Variants in C12orf56 observed in about 807,000 individuals in gnomAD.
The protein encoded by C12orf56 is uncharacterized protein C12orf56.
Under a neutral mutation model 69.9 loss-of-function variants are expected in C12orf56, and 71 were observed. The ratio of observed to expected loss-of-function variants is 1.02; its 90% CI spans 0.84 to 1.24. C12orf56 has a LOEUF of 1.24. Among genes scored for constraint, C12orf56 ranks in the 50% most tolerant of loss-of-function variants. C12orf56 has a pLI of 0.00. For synonymous variants in C12orf56, 276 were observed against 274.1 expected (o/e 1.01, Z -0.07); for missense variants, 732 against 738.5 (o/e 0.99, Z 0.10).
intron 1 of C12orf56, among the ~76,000 whole-genome samples, chr12:64,366,232 TAA>T: frequency 8.4e-6 from 1 of 118,828 alleles, no homozygotes; most frequent in African/African-American, 3.4e-5. Flanking sequence ...ATATTATATA[TAA>T]TATACAGTTT....
At chr12:64,321,435 A>C (rs530458297) in intron 3 of C12orf56, among the ~76,000 whole-genome samples, 248 of 152,284 alleles carry the variant, frequency 1.6e-3, no homozygotes, top group Non-Finnish European at 2.6e-3. Flanking sequence ...TCAGTCTCCC[A>C]AATTGCTGGG....
intron 1 of C12orf56, among the ~76,000 whole-genome samples, chr12:64,363,661 C>T (rs1423340318): frequency 1.3e-5 from 2 of 152,126 alleles, no homozygotes; most frequent in East Asian, 1.9e-4. Context: ...AGAGTAGTCA[C>T]GTACAAATCT....
chr12:64,304,913 C>G (rs910823351), intron 5 of C12orf56, among the ~76,000 whole-genome samples: 1 of 152,116 alleles, frequency 6.6e-6, no homozygotes, highest in African/African-American at 2.4e-5. Context: ...AGTTCATGTT[C>G]TATGTAGATT....
chr12:64,370,923 C>T (rs1258487586), intron 1 of C12orf56, among the ~76,000 whole-genome samples: 2 of 152,032 alleles, frequency 1.3e-5, no homozygotes, highest in Non-Finnish European at 2.9e-5. Context: ...TTGCTTGAGC[C>T]CAGGAGTTCA....
At chr12:64,347,970 T>G (rs976638992) in intron 2 of C12orf56, among the ~76,000 whole-genome samples, 1 of 152,144 alleles carries the variant, frequency 6.6e-6, no homozygotes, top group Non-Finnish European at 1.5e-5. Context: ...GTGAACAGAT[T>G]AACTAAATTC....
intron 8 of C12orf56, among the ~76,000 whole-genome samples, chr12:64,281,603 C>G (rs2038129691): frequency 6.6e-6 from 1 of 151,944 alleles, no homozygotes; most frequent in Non-Finnish European, 1.5e-5. Flanking sequence ...AAAACGAATA[C>G]AGTTTTATTA....
At chr12:64,287,261 AAAGAAGAAG>A (rs1170967895) in intron 6 of C12orf56, among the ~76,000 whole-genome samples, 5 of 67,584 alleles carry the variant, frequency 7.4e-5, no homozygotes, top group African/African-American at 2.4e-4. Context: ...AAAAAAAAAA[AAAGAAGAAG>A]AAGAAGAAGA....
At chr12:64,382,515 TTAAGTA>T (rs2039733201) in intron 1 of C12orf56, among the ~76,000 whole-genome samples, 1 of 152,094 alleles carries the variant, frequency 6.6e-6, no homozygotes, top group Admixed American at 6.6e-5. Flanking sequence ...AAGCACTCTT[TTAAGTA>T]TATTTAATTT....
At chr12:64,335,117 T>G (rs182514794) in intron 2 of C12orf56, among the ~76,000 whole-genome samples, 252 of 152,128 alleles carry the variant, frequency 1.7e-3, no homozygotes, top group African/African-American at 5.4e-3. Context: ...AATAACCCAA[T>G]CCATTGAAGA....
intron 1 of C12orf56, among the ~76,000 whole-genome samples, chr12:64,383,400 CAG>C (rs1365574888): frequency 6.6e-6 from 1 of 150,956 alleles, no homozygotes; most frequent in African/African-American, 2.4e-5. Context: ...TTTTTTGAGA[CAG>C]AGTCTTGTTT....
At chr12:64,352,605 AG>A (rs2039244724) in intron 2 of C12orf56, among the ~76,000 whole-genome samples, 1 of 152,196 alleles carries the variant, frequency 6.6e-6, no homozygotes, top group African/African-American at 2.4e-5. Flanking sequence ...AGCCTTGTGC[AG>A]GAGGATGAGC....
At chr12:64,349,244 A>G (rs1278117958) in intron 2 of C12orf56, among the ~76,000 whole-genome samples, 1 of 152,240 alleles carries the variant, frequency 6.6e-6, no homozygotes, top group Admixed American at 6.5e-5. Context: ...AAGATACACA[A>G]ATGGCCAACA....
intron 1 of C12orf56, among the ~76,000 whole-genome samples, chr12:64,383,800 G>A (rs116273892): frequency 8.0e-4 from 122 of 152,142 alleles, no homozygotes; most frequent in African/African-American, 2.5e-3. Flanking sequence ...TTTGTTATAC[G>A]TTTACCCATT....
chr12:64,331,657 G>A (rs2038931735), intron 2 of C12orf56, among the ~76,000 whole-genome samples: 1 of 152,102 alleles, frequency 6.6e-6, no homozygotes, highest in South Asian at 2.1e-4. Context: ...GAGGACATAG[G>A]ATTTGTTCCT....
intron 10 of C12orf56, 41 bp from the exon 11 acceptor site, chr12:64,275,016 T>G: frequency 6.7e-7 from 1 of 1,497,094 alleles, no homozygotes. Context: ...ATTCATAAAG[T>G]TCAAGTAGTA....
In C12orf56 at chr12:64,332,446, A is replaced by G. The variant is rs139771299; in HGVS notation, c.416-1414T>C. 9.8e-5 allele frequency among the ~76,000 whole-genome samples: 15 copies of G among 152,286 alleles called. No homozygotes were observed. The East Asian group carries it at 2.5e-3, about 25-fold the overall frequency. The stretch of plus-strand genomic sequence containing the variant: ...AGAATAATCCACCTCTTCAACCACA[A>G]TAATTTAAGAGCACAGGGTCTTCTT... On this transcript the variant is annotated intron_variant, in intron 2 of 12. Transcript: ENST00000543942.
chr12:64,307,828 C>T (rs1362323179), intron 5 of C12orf56, among the ~76,000 whole-genome samples: 2 of 151,814 alleles, frequency 1.3e-5, no homozygotes, highest in Non-Finnish European at 2.9e-5. Context: ...TATAACCAGA[C>T]CCCATCTCAA....
intron 12 of C12orf56, among the ~76,000 whole-genome samples, chr12:64,270,241 CA>C (rs1284884833): frequency 8.8e-5 from 13 of 147,450 alleles, no homozygotes; most frequent in South Asian, 2.2e-4. Flanking sequence ...ACTAAAAATA[CA>C]AAAAAAAAAT....
At chr12:64,334,864 T>C (rs2038973028) in intron 2 of C12orf56, among the ~76,000 whole-genome samples, 2 of 152,166 alleles carry the variant, frequency 1.3e-5, no homozygotes, top group Non-Finnish European at 1.5e-5. Context: ...GTAAGGTCTT[T>C]TCTGTTTTTC....
Sources: gnomAD v4.1 joint callset for allele counts (sites outside exome capture counted in the v4.1 genomes callset) on GRCh38, gnomAD v4.1.1 for gene constraint, MANE v1.5 for transcripts, NCBI Gene and HGNC (gene_info 2026-07-23, HGNC 2026-07-21) for gene names.